The following JADE2 variants were observed in gnomAD, a reference collection of about 807,000 sequenced individuals.
JADE2 encodes the protein jade family PHD finger 2.
Under a neutral mutation model 85.7 loss-of-function variants are expected in JADE2, and 13 were observed. The ratio of observed to expected loss-of-function variants is 0.15; its 90% confidence interval spans 0.10 to 0.24. The LOEUF (loss-of-function observed/expected upper bound fraction) is 0.24. Among genes scored for constraint, JADE2 ranks in the 10% least tolerant of loss-of-function variants. The probability of loss-of-function intolerance (pLI) is 1.00; values close to 1 mark genes in which losing one functional copy is unlikely to be tolerated. For synonymous variants in JADE2, 440 were observed against 456.1 expected, an observed-to-expected ratio of 0.96 and a Z score of 0.45; for missense variants, 846 against 1,115.9, an observed-to-expected ratio of 0.76 and a Z score of 3.45.
chr5:134,568,936 A>G (rs1342814772), intron 9 of JADE2, among the ~76,000 whole-genome samples: 1 of 152,236 alleles, frequency 6.6e-6, no homozygotes, highest in Non-Finnish European at 1.5e-5. Context: ...ACTGGGCACT[A>G]AGCCAGCCTG....
intron 2 of JADE2, among the ~76,000 whole-genome samples, chr5:134,537,411 T>C (rs1297412781): frequency 3.3e-5 from 5 of 152,212 alleles, no homozygotes; most frequent in African/African-American, 1.2e-4. Flanking sequence ...ATATCACTTA[T>C]TCCTCACCAC....
rs1764692509 is a variant in JADE2, at chr5:134,581,148, C to T, written c.*1831C>T. ...AGGAAACAAAGATAATGACTCAGTT[C>T]AGAGGATCGGACAAATGTGTCTAGT... On this transcript the variant is annotated 3_prime_UTR_variant, in exon 12 of 12. Coordinates refer to ENST00000681547, the MANE Select transcript of JADE2 (RefSeq NM_001388185.1). 6.6e-6 allele frequency: 1 copy of T among 152,568 alleles called. No individual in the cohort carries two copies. Among genetic ancestry groups the T allele is most frequent in the Non-Finnish European group, 1.5e-5 (1 of 68,050 alleles). 9.5% of individuals were successfully genotyped at this position (152,568 alleles called of 1,614,324 possible).
Position 134,578,717 on chromosome 5 carries a change from T to C in JADE2, c.1905T>C (p.Ala635=). The C allele has an allele frequency of 5.0e-6, 8 of 1,613,230 alleles. No individual in the cohort carries two copies. Among genetic ancestry groups the C allele is most frequent in the Non-Finnish European group, 6.8e-6 (8 of 1,179,862 alleles). Residue 635 remains alanine (A), a synonymous_variant, in exon 12 of 12, where the codon GCT becomes GCC. Coordinates refer to ENST00000681547, the MANE Select transcript of JADE2 (RefSeq NM_001388185.1). This position sits in a 1 kb window ranked among gnomAD's most constrained non-coding sequence, Gnocchi z 4.4. Reference sequence around the variant, plus strand: ...CCTCGCTGCGACCTGGTGACCCTGCTAGGAAGGCCCGAGGCCGCACCCGCC... The same window carrying C: ...CCTCGCTGCGACCTGGTGACCCTGCCAGGAAGGCCCGAGGCCGCACCCGCC... ...RDPSLRPGDP[A]RKARGRTRLP... is the part of the protein sequence containing the mutation.
intron 9 of JADE2, among the ~76,000 whole-genome samples, chr5:134,567,420 C>T (rs1324713564): frequency 1.3e-5 from 2 of 152,144 alleles, no homozygotes; most frequent in African/African-American, 4.8e-5. Context: ...TGAAATGAAG[C>T]AGGATTTCTG....
intron 1 of JADE2, chr5:134,526,292 C>G (rs1177566328): frequency 3.0e-6 from 3 of 985,312 alleles, no homozygotes; most frequent in South Asian, 9.4e-5. Context: ...GAAGGGTGAG[C>G]TTGGCGACCT....
At chr5:134,552,275 G>A (rs1762639057) in intron 4 of JADE2, 66 bp downstream of exon 4, 1 of 1,469,564 alleles carries the variant, frequency 6.8e-7, no homozygotes, top group African/African-American at 1.4e-5. Context: ...TGCTTTCCAG[G>A]TTAGGTGACC....
intron 2 of JADE2, 120 bp from the exon 3 acceptor site, chr5:134,537,869 A>T: frequency 1.4e-6 from 1 of 704,812 alleles, no homozygotes; most frequent in Non-Finnish European, 2.5e-6. Flanking sequence ...GGTCTCACAG[A>T]GGTTTCTCCC....
At chr5:134,577,894 G>A (rs986022193) in intron 11 of JADE2, among the ~76,000 whole-genome samples, 2 of 151,784 alleles carry the variant, frequency 1.3e-5, no homozygotes, top group African/African-American at 2.4e-5. Context: ...ACCCCTATTC[G>A]TACCTGATCC....
chr5:134,577,013 C>T lies in JADE2; in HGVS notation c.1681+117C>T, dbSNP rs141315328. On this transcript the variant is annotated intron_variant, in intron 11 of 11. Transcript: ENST00000681547. ...AGAGTAGGAGACTGAGGCTCAAGAGCGGTAACCAGGCCCTTGCTTGCCCAG... is the reference window on the plus strand; with the variant it reads ...AGAGTAGGAGACTGAGGCTCAAGAGTGGTAACCAGGCCCTTGCTTGCCCAG... 2.2e-4 allele frequency: 270 copies of T among 1,253,102 alleles called. No homozygotes were observed. The African/African-American group carries it at 3.9e-3, about 18-fold the overall frequency. 77.6% of individuals were successfully genotyped at this position (1,253,102 alleles called of 1,614,324 possible). A position where few individuals can be genotyped will look rare whatever the true frequency, so the allele number is the denominator to read the frequency against.
chr5:134,555,033 C>A lies in JADE2; in HGVS notation c.311+2824C>A, dbSNP rs756689993. The stretch of plus-strand genomic sequence containing the variant: ...GGCTGGGCCAGGAAATCAAAGGCCC[C>A]GAGAACAAGCCCTGGGCTGCCCCTG... On this transcript the variant is annotated intron_variant, in intron 4 of 11. Coordinates refer to ENST00000681547, the MANE Select transcript of JADE2 (RefSeq NM_001388185.1). 4.6e-5 allele frequency among the ~76,000 whole-genome samples: 7 copies of A among 152,188 alleles called. No individual in the cohort carries two copies. In the East Asian group the frequency reaches 1.2e-3, roughly 25 times the overall value.
intron 1 of JADE2, among the ~76,000 whole-genome samples, chr5:134,528,137 G>A (rs1183217595): frequency 6.6e-6 from 1 of 152,138 alleles, no homozygotes; most frequent in Non-Finnish European, 1.5e-5. Flanking sequence ...CGCCCCCTTA[G>A]CATTTATGTT....
intron 3 of JADE2, among the ~76,000 whole-genome samples, chr5:134,543,106 C>T (rs146577364): frequency 0.03 from 4,480 of 148,944 alleles, 103 homozygotes; most frequent in Middle Eastern, 0.046. Flanking sequence ...GTGATCTCGG[C>T]TCACTGCAAC....
intron 1 of JADE2, chr5:134,533,507 G>A (rs868097599): frequency 1.0e-6 from 1 of 984,612 alleles, no homozygotes. Context: ...TTTTAATACT[G>A]TGGGAGATGC....
At chr5:134,545,180 C>T (rs992189600) in intron 3 of JADE2, among the ~76,000 whole-genome samples, 2 of 152,290 alleles carry the variant, frequency 1.3e-5, no homozygotes, top group East Asian at 1.9e-4. Context: ...CGGGTTGGGG[C>T]GAGCCCTTCC....
At position 134,578,700 on chromosome 5, in the gene JADE2, C is replaced by T; in HGVS notation, c.1888C>T (p.Arg630Ter). ...LLSFMRDPSLRPGDPARKARG... is the reference protein window; with the variant it reads ...LLSFMRDPSL ...CAGCTTCATGCGGGACCCCTCGCTGCGACCTGGTGACCCTGCTAGGAAGGC... is the reference window on the plus strand; with the variant it reads ...CAGCTTCATGCGGGACCCCTCGCTGTGACCTGGTGACCCTGCTAGGAAGGC... The change falls in exon 12 of 12, where the codon CGA becomes TGA. Residue 630 changes from arginine (R) to a stop codon, truncating the protein, a stop_gained. Transcript: ENST00000681547. LOFTEE classifies it high-confidence loss of function. The surrounding 1 kb of genome is among the most constrained non-coding windows in gnomAD (Gnocchi z 4.4). The T allele has an allele frequency of 1.9e-6, 3 of 1,613,730 alleles. No individual in the cohort carries two copies. Among genetic ancestry groups the T allele is most frequent in the Non-Finnish European group, 1.7e-6 (2 of 1,179,964 alleles).
At position 134,578,727 on chromosome 5, in the gene JADE2, C is replaced by T. The variant is rs145385853; in HGVS notation, c.1915C>T (p.Arg639Ter). The T allele has an allele frequency of 8.7e-6, 14 of 1,613,184 alleles. No homozygotes were observed. Among genetic ancestry groups the T allele is most frequent in the East Asian group, 2.2e-5 (1 of 44,860 alleles). ...LRPGDPARKARGRTRLPAKKK... is the reference protein window; with the variant it reads ...LRPGDPARKA ...ACCTGGTGACCCTGCTAGGAAGGCC[C>T]GAGGCCGCACCCGCCTGCCTGCCAA... is the stretch of plus-strand genomic sequence containing the variant. The change falls in exon 12 of 12, where the codon CGA becomes TGA. Residue 639 changes from arginine (R) to a stop codon, truncating the protein, a stop_gained. Transcript: ENST00000681547. LOFTEE classifies it high-confidence loss of function. This position sits in a 1 kb window ranked among gnomAD's most constrained non-coding sequence, Gnocchi z 4.4.
Position 134,525,884 on chromosome 5 carries a change from A to G in JADE2, c.-128A>G, listed in dbSNP as rs1239493821. The stretch of plus-strand genomic sequence containing the variant: ...CCTCCCTCGCCGCGACCCCGGATGG[A>G]TGCGCGCCCCCCGCCCTCCCGCGCC... On this transcript the variant is annotated 5_prime_UTR_variant, in exon 1 of 12. An upstream start codon of the reference 5' UTR is lost. Coordinates refer to ENST00000681547, the MANE Select transcript of JADE2 (RefSeq NM_001388185.1). 1.0e-6 allele frequency: 1 copy of G among 985,596 alleles called. No individual in the cohort carries two copies. Among genetic ancestry groups the G allele is most frequent in the Non-Finnish European group, 1.2e-6 (1 of 830,492 alleles). The allele number at this position is 985,596 out of a possible 1,614,324, so 61.1% of individuals were successfully genotyped here.
At chr5:134,554,825 G>C (rs1762814137) in intron 4 of JADE2, among the ~76,000 whole-genome samples, 1 of 152,336 alleles carries the variant, frequency 6.6e-6, no homozygotes, top group East Asian at 1.9e-4. Flanking sequence ...CTGCCTGGTA[G>C]CTGCCCGGGT....
At chr5:134,534,823 G>A (rs764764128) in intron 1 of JADE2, among the ~76,000 whole-genome samples, 14 of 152,216 alleles carry the variant, frequency 9.2e-5, no homozygotes, top group Non-Finnish European at 1.8e-4. Context: ...AGCCACAGGC[G>A]AGCTGTAAGA....
Sources: allele counts gnomAD v4.1 joint callset (sites outside exome capture counted in the v4.1 genomes callset), GRCh38; gene constraint gnomAD v4.1.1; non-coding constraint Gnocchi (gnomAD v3.1); transcripts MANE v1.5; gene names NCBI Gene and HGNC (gene_info 2026-07-23, HGNC 2026-07-21).